The following SRBD1 variants were observed in gnomAD, a reference collection of about 807,000 sequenced individuals.
SRBD1 encodes the protein S1 RNA-binding domain-containing protein 1.
Under a neutral mutation model 115.3 loss-of-function variants are expected in SRBD1, and 88 were observed. The ratio of observed to expected loss-of-function variants is 0.76; its 90% CI spans 0.64 to 0.91. SRBD1 has a LOEUF of 0.91. Among genes scored for constraint, SRBD1 ranks in the 40% least tolerant of loss-of-function variants. The pLI is 0.00. For synonymous variants in SRBD1, 509 were observed against 407.7 expected, an observed-to-expected ratio of 1.25 and a Z score of -2.99; for missense variants, 1,385 against 1,177.4, an observed-to-expected ratio of 1.18 and a Z score of -2.58.
At chr2:45,484,808 G>A (rs1670066500) in intron 15 of SRBD1, among the ~76,000 whole-genome samples, 1 of 152,146 alleles carries the variant, frequency 6.6e-6, no homozygotes, top group African/African-American at 2.4e-5. Flanking sequence ...AGATTTGTCT[G>A]TTCTGCACAT....
intron 19 of SRBD1, among the ~76,000 whole-genome samples, chr2:45,396,927 T>A (rs1667161340): frequency 6.6e-6 from 1 of 152,170 alleles, no homozygotes; most frequent in Non-Finnish European, 1.5e-5. Flanking sequence ...ACGTGCTTTG[T>A]GGGCAAAACA....
At chr2:45,596,180 T>A (rs964319004) in intron 4 of SRBD1, among the ~76,000 whole-genome samples, 1 of 152,226 alleles carries the variant, frequency 6.6e-6, no homozygotes, top group East Asian at 1.9e-4. Context: ...AGCTTACAAA[T>A]AAAACTTTTC....
intron 18 of SRBD1, among the ~76,000 whole-genome samples, chr2:45,417,955 C>T (rs1667881184): frequency 6.6e-6 from 1 of 152,140 alleles, no homozygotes; most frequent in Admixed American, 6.5e-5. Context: ...GTTCACTTTG[C>T]CTGGAATGCT....
chr2:45,576,952 G>C (rs1673197099), intron 7 of SRBD1, among the ~76,000 whole-genome samples: 1 of 152,166 alleles, frequency 6.6e-6, no homozygotes, highest in Admixed American at 6.5e-5. Context: ...AATTGTGCTA[G>C]AGCGCTAGAG....
At chr2:45,511,255 T>C (rs542083643) in intron 14 of SRBD1, among the ~76,000 whole-genome samples, 2 of 152,372 alleles carry the variant, frequency 1.3e-5, no homozygotes, top group Admixed American at 6.5e-5. Flanking sequence ...TCGCCAAAGC[T>C]GCGTATCTTC....
intron 7 of SRBD1, 80 bp downstream of exon 7, chr2:45,579,790 TAACAA>T (rs1673288131): frequency 3.5e-6 from 5 of 1,414,992 alleles, no homozygotes; most frequent in African/African-American, 1.4e-5. Flanking sequence ...AATCAGTACT[TAACAA>T]AACAGTTTTT....
At chr2:45,418,970 T>A (rs775933481) in intron 17 of SRBD1, among the ~76,000 whole-genome samples, 4 of 152,212 alleles carry the variant, frequency 2.6e-5, no homozygotes, top group Non-Finnish European at 5.9e-5. Context: ...TGTTAGCCTG[T>A]TCTCAGTAAT....
chr2:45,587,269 T>G (rs907357903), intron 4 of SRBD1, among the ~76,000 whole-genome samples: 1 of 147,468 alleles, frequency 6.8e-6, no homozygotes, highest in African/African-American at 2.5e-5. Flanking sequence ...AAATTGATGT[T>G]AATTATAATA....
At chr2:45,408,104 A>G (rs1223405021) in intron 19 of SRBD1, among the ~76,000 whole-genome samples, 1 of 152,214 alleles carries the variant, frequency 6.6e-6, no homozygotes, top group African/African-American at 2.4e-5. Flanking sequence ...TTTCTGACAT[A>G]ATTAAAACAT....
intron 16 of SRBD1, among the ~76,000 whole-genome samples, chr2:45,462,461 T>C (rs1449078343): frequency 6.6e-6 from 1 of 152,224 alleles, no homozygotes; most frequent in East Asian, 1.9e-4. Context: ...AAAAGCCTTG[T>C]ATATGTCAGA....
chr2:45,415,958 A>G (rs1347747056), intron 18 of SRBD1, among the ~76,000 whole-genome samples: 2 of 152,080 alleles, frequency 1.3e-5, no homozygotes, highest in Non-Finnish European at 2.9e-5. Flanking sequence ...TCCAAAACCA[A>G]TTTAAGGATG....
chr2:45,574,323 C>T (rs141240085), intron 8 of SRBD1, among the ~76,000 whole-genome samples: 1 of 152,174 alleles, frequency 6.6e-6, no homozygotes, highest in Non-Finnish European at 1.5e-5. Context: ...GGACATGAAT[C>T]TCTCTTCGTA....
chr2:45,596,697 G>A (rs1318872715), intron 4 of SRBD1, among the ~76,000 whole-genome samples: 2 of 152,040 alleles, frequency 1.3e-5, no homozygotes, highest in Non-Finnish European at 2.9e-5. Context: ...ACAGAGCCGA[G>A]CTCATAACAA....
chr2:45,543,837 C>T (rs1353561456), intron 14 of SRBD1, among the ~76,000 whole-genome samples: 2 of 152,126 alleles, frequency 1.3e-5, no homozygotes, highest in African/African-American at 4.8e-5. Context: ...AATGGTTCAA[C>T]TGTAGAAAAT....
chr2:45,588,220 T>C (rs1673606296), intron 4 of SRBD1, among the ~76,000 whole-genome samples: 1 of 152,236 alleles, frequency 6.6e-6, no homozygotes, highest in Non-Finnish European at 1.5e-5. Context: ...TGATTTCCCG[T>C]TGCATTTGGA....
At chr2:45,417,638 A>G (rs1009812705) in intron 18 of SRBD1, among the ~76,000 whole-genome samples, 5 of 152,250 alleles carry the variant, frequency 3.3e-5, no homozygotes, top group African/African-American at 1.2e-4. Context: ...TTTCATGATT[A>G]TATCATGCTA....
chr2:45,538,484 G>C (rs1671834468), intron 14 of SRBD1, among the ~76,000 whole-genome samples: 1 of 152,254 alleles, frequency 6.6e-6, no homozygotes, highest in Non-Finnish European at 1.5e-5. Flanking sequence ...ATCTTCCAGA[G>C]TGAAAGAGGC....
At chr2:45,590,959 G>C (rs1379098806) in intron 4 of SRBD1, among the ~76,000 whole-genome samples, 2 of 151,660 alleles carry the variant, frequency 1.3e-5, no homozygotes, top group African/African-American at 2.4e-5. Context: ...AGAGGTTGCA[G>C]TGAGCCGAGA....
chr2:45,555,080 C>T (rs1297599799), intron 10 of SRBD1, among the ~76,000 whole-genome samples: 4 of 152,182 alleles, frequency 2.6e-5, no homozygotes, highest in African/African-American at 7.2e-5. Context: ...TTTCCCTCCA[C>T]GATCCCCTTA....
Sources: allele counts gnomAD v4.1 joint callset (sites outside exome capture counted in the v4.1 genomes callset), GRCh38; gene constraint gnomAD v4.1.1; transcripts MANE v1.5; gene names NCBI Gene and HGNC (gene_info 2026-07-23, HGNC 2026-07-21).